Variants in FAM228B observed in about 807,000 individuals in gnomAD.
The protein encoded by FAM228B is family with sequence similarity 228 member B, also known as protein FAM228B.
A neutral mutation model predicts 42.6 loss-of-function variants in FAM228B; 38 were observed. That is an observed-to-expected ratio of 0.89 (90% CI 0.69 to 1.17). FAM228B has a LOEUF of 1.17. FAM228B is among the 50% of genes most tolerant of loss of function. The pLI is 0.00. For missense variants in FAM228B, 344 were observed against 367.3 expected, an observed-to-expected ratio of 0.94 and a Z score of 0.52; for synonymous variants, 109 against 122.3, an observed-to-expected ratio of 0.89 and a Z score of 0.72.
At chr2:24,135,994 T>C (rs1473744945) in intron 3 of FAM228B, among the ~76,000 whole-genome samples, 8 of 144,188 alleles carry the variant, frequency 5.5e-5, no homozygotes, top group East Asian at 3.9e-4. Context: ...TTTTTTTTTT[T>C]CCATAGAATG....
At chr2:24,129,962 T>G (rs1195922609) in intron 2 of FAM228B, among the ~76,000 whole-genome samples, 1 of 152,040 alleles carries the variant, frequency 6.6e-6, no homozygotes, top group Non-Finnish European at 1.5e-5. Context: ...TCACCTCCCC[T>G]CACCCCCAGC....
intron 7 of FAM228B, among the ~76,000 whole-genome samples, chr2:24,159,051 C>T (rs137950764): frequency 2.0e-4 from 31 of 152,306 alleles, no homozygotes; most frequent in African/African-American, 6.7e-4. Context: ...CTGTCTCCAT[C>T]TTCACATGGT....
At chr2:24,163,105 A>G (rs531137858) in intron 8 of FAM228B, among the ~76,000 whole-genome samples, 9 of 152,364 alleles carry the variant, frequency 5.9e-5, no homozygotes, top group Non-Finnish European at 8.8e-5. Context: ...ATAATAATAA[A>G]AAAGGAACCT....
intron 3 of FAM228B, among the ~76,000 whole-genome samples, chr2:24,108,442 A>G (rs1573741196): frequency 6.6e-6 from 1 of 152,164 alleles, no homozygotes. Context: ...AACTCATTCT[A>G]TGAGGCCAGC....
At chr2:24,124,219 G>A in intron 1 of FAM228B, 111 bp from the exon 2 acceptor site, 1 of 580,480 alleles carries the variant, frequency 1.7e-6, no homozygotes, top group Non-Finnish European at 3.0e-6. Flanking sequence ...GAAACTGGAT[G>A]GTTAGTGTTC....
In FAM228B at chr2:24,147,100, T is replaced by A. The variant is rs753225639; in HGVS notation, c.686+14T>A. 81 of 1,516,406 alleles carry A rather than the reference T, an allele frequency of 5.3e-5. No individual in the cohort carries two copies. Among genetic ancestry groups the A allele is most frequent in the South Asian group, 2.2e-4 (18 of 80,348 alleles). The allele number at this position is 1,516,406 out of a possible 1,614,324, so 93.9% of individuals were successfully genotyped here. ...TAGAAGGAGAAGGTAATGGTTAATA[T>A]ACTAGAAATTATAGAACCTTTTGGA... On this transcript the variant is annotated intron_variant, in intron 7 of 10. Transcript: ENST00000615575.
At chr2:24,155,525 ATATATATTTTTTTTTTTTT>A (rs1394132344) in intron 7 of FAM228B, among the ~76,000 whole-genome samples, 4 of 48,314 alleles carry the variant, frequency 8.3e-5, no homozygotes, top group East Asian at 6.2e-4. Flanking sequence ...ATATATATAT[ATATATATTTTTTTTTTTTT>A]TTTTTTTTTT....
At chr2:24,165,390 G>C (rs1024982204) in intron 9 of FAM228B, 4 of 471,026 alleles carry the variant, frequency 8.5e-6, no homozygotes, top group African/African-American at 8.0e-5. Flanking sequence ...CTGTGCAGAT[G>C]TGATCATCCC....
Position 24,095,008 on chromosome 2 carries a change from A to C in FAM228B, c.-209-133A>C, listed in dbSNP as rs1337544330. 2.0e-5 allele frequency: 3 copies of C among 152,282 alleles called. No homozygotes were observed. The highest frequency in any genetic ancestry group is 6.5e-5 in the Admixed American group (1 of 15,276). 9.4% of individuals were successfully genotyped at this position (152,282 alleles called of 1,614,324 possible). A position where few individuals can be genotyped will look rare whatever the true frequency, so the allele number is the denominator to read the frequency against. Reference sequence around the variant, plus strand: ...CTACTCCCAAGGGTGAGGCAGGAGAATCACTTGAACCTGGGATGCAGAGGT... The same window carrying C: ...CTACTCCCAAGGGTGAGGCAGGAGACTCACTTGAACCTGGGATGCAGAGGT... On this transcript the variant is annotated intron_variant, in intron 2 of 10. Transcript: ENST00000613899. This position sits in a 1 kb window ranked among gnomAD's most constrained non-coding sequence, Gnocchi z 4.8.
chr2:24,165,791 C>T (rs1667389596), intron 9 of FAM228B: 1 of 224,080 alleles, frequency 4.5e-6, no homozygotes, highest in South Asian at 6.6e-5. Flanking sequence ...CCTATAATCC[C>T]AGCACTTTGG....
intron 5 of FAM228B, among the ~76,000 whole-genome samples, chr2:24,142,019 G>T (rs1558388289): frequency 6.6e-6 from 1 of 152,108 alleles, no homozygotes. Flanking sequence ...CCAGGTCCTT[G>T]CCCATGTCTG....
chr2:24,081,124 C>A, intron 2 of FAM228B: 1 of 621,946 alleles, frequency 1.6e-6, no homozygotes, highest in Non-Finnish European at 2.1e-6. Flanking sequence ...GCCGTTGCAC[C>A]AAATGCCAAA....
intron 1 of FAM228B, chr2:24,124,087 G>T: frequency 3.5e-6 from 1 of 285,372 alleles, no homozygotes; most frequent in East Asian, 6.4e-5. Context: ...CTGCCTTGGA[G>T]GGGGACGTGG....
intron 2 of FAM228B, 50 bp downstream of exon 2, chr2:24,124,510 G>T: frequency 8.5e-7 from 1 of 1,181,090 alleles, no homozygotes; most frequent in Non-Finnish European, 1.2e-6. Flanking sequence ...TTGGATCGTT[G>T]CAGTAGGAAG....
chr2:24,138,176 G>T, intron 4 of FAM228B, 76 bp downstream of exon 4: 1 of 1,159,970 alleles, frequency 8.6e-7, no homozygotes, highest in Non-Finnish European at 1.2e-6. Context: ...TAATCATTCA[G>T]TCAGTCTGTC....
chr2:24,124,224 G>A, intron 1 of FAM228B, 106 bp from the exon 2 acceptor site: 1 of 587,522 alleles, frequency 1.7e-6, no homozygotes, highest in Non-Finnish European at 3.0e-6. Flanking sequence ...TGGATGGTTA[G>A]TGTTCAAAAT....
chr2:24,135,208 G>A (rs369705253), intron 3 of FAM228B, 21 bp downstream of exon 3: 4 of 1,297,262 alleles, frequency 3.1e-6, no homozygotes, highest in Admixed American at 2.6e-5. Context: ...GCTACAAAAT[G>A]CATCTCAGTT....
At chr2:24,156,570 G>A (rs1308222256) in intron 7 of FAM228B, among the ~76,000 whole-genome samples, 1 of 152,144 alleles carries the variant, frequency 6.6e-6, no homozygotes. Flanking sequence ...GGAGGCAGAG[G>A]TTGCAGTGAG....
intron 2 of FAM228B, among the ~76,000 whole-genome samples, chr2:24,125,972 AT>A (rs927369691): frequency 2.6e-5 from 4 of 151,948 alleles, no homozygotes; most frequent in Non-Finnish European, 5.9e-5. Flanking sequence ...CATCATAATT[AT>A]TTTGCCACTC....
Sources: gnomAD v4.1 joint callset for allele counts (sites outside exome capture counted in the v4.1 genomes callset) on GRCh38, gnomAD v4.1.1 for gene constraint, Gnocchi (gnomAD v3.1) non-coding constraint, MANE v1.5 for transcripts, NCBI Gene and HGNC (gene_info 2026-07-23, HGNC 2026-07-21) for gene names.